Variants in DGAT1 observed in about 807,000 individuals in gnomAD.
DGAT1 encodes ACAT related gene product 1.
In DGAT1, 60 loss-of-function variants were observed where a neutral mutation model predicts 72.6. That is an observed-to-expected ratio of 0.83 (90% CI 0.67 to 1.02). The LOEUF is 1.02. DGAT1 is among the 50% of genes least tolerant of loss of function. DGAT1 has a pLI of 0.00. For missense variants in DGAT1, 592 were observed against 670.0 expected (o/e 0.88, Z 1.29); for synonymous variants, 290 against 267.5 (o/e 1.08, Z -0.82).
rs1817245231 is a variant in DGAT1 at position 144,316,860 on chromosome 8, A to G, written c.1304T>C (p.Met435Thr). ...CACGTGGGGGTCACTCACCTGAGCC[A>G]TCATGCCCGTGAACGCCCAGAGGCG... is the stretch of plus-strand genomic sequence containing the variant. ...MFRLWAFTGM[M>T]AQIPLAWFVG... The change falls in exon 16 of 17, where the codon ATG becomes ACG. Residue 435 changes from methionine (M) to threonine (T), a missense_variant. Coordinates refer to ENST00000528718, the MANE Select transcript of DGAT1 (RefSeq NM_012079.6). 3 of 1,610,270 alleles carry G rather than the reference A, an allele frequency of 1.9e-6. No individual in the cohort carries two copies. Among genetic ancestry groups the G allele is most frequent in the Non-Finnish European group, 2.5e-6 (3 of 1,178,978 alleles).
rs782802515 is a variant in DGAT1 at position 144,318,003 on chromosome 8, G to A, written c.766C>T (p.Leu256Phe). The A allele has an allele frequency of 1.3e-6, 2 of 1,518,262 alleles. No individual in the cohort carries two copies. The highest frequency in any genetic ancestry group is 1.3e-5 in the South Asian group (1 of 75,234). 94.0% of individuals were successfully genotyped at this position (1,518,262 alleles called of 1,614,324 possible). A position where few individuals can be genotyped will look rare whatever the true frequency, so the allele number is the denominator to read the frequency against. ...NLTYRDLYYFLFAPTLCYELN... is the reference protein window; with the variant it reads ...NLTYRDLYYFFFAPTLCYELN... ...TCGTAGCACAAGGTGGGGGCGAAGA[G>A]GAAGTAGTAGAGATCTGGAATGGGA... The change falls in exon 9 of 17, where the codon CTC becomes TTC. Residue 256 changes from leucine (L) to phenylalanine (F), a missense_variant. By Grantham distance (22) the Leu-to-Phe change is conservative. Coordinates refer to ENST00000528718, the MANE Select transcript of DGAT1 (RefSeq NM_012079.6).
Position 144,317,765 on chromosome 8 carries a change from C to T in DGAT1, c.894+19G>A, listed in dbSNP as rs1817295629. On this transcript the variant is annotated intron_variant, in intron 10 of 16. Coordinates refer to ENST00000528718, the MANE Select transcript of DGAT1 (RefSeq NM_012079.6). ...CCAGCCATGCCCAGCTACACCCAAC[C>T]CTGCCCTACCCCACTTACCTGCTGG... is the stretch of plus-strand genomic sequence containing the variant. The T allele has an allele frequency of 1.9e-6, 3 of 1,613,456 alleles. No homozygotes were observed. Among genetic ancestry groups the T allele is most frequent in the Non-Finnish European group, 2.5e-6 (3 of 1,179,794 alleles).
chr8:144,325,494 T>G (rs1817574678), intron 1 of DGAT1, among the ~76,000 whole-genome samples: 1 of 152,138 alleles, frequency 6.6e-6, no homozygotes, highest in Non-Finnish European at 1.5e-5. Flanking sequence ...AGCCCACTTC[T>G]GCCTTGATAA....
intron 1 of DGAT1, among the ~76,000 whole-genome samples, chr8:144,324,468 G>A (rs1817543917): frequency 6.6e-6 from 1 of 152,180 alleles, no homozygotes; most frequent in South Asian, 2.1e-4. Context: ...AGGTCTGAGG[G>A]ACAAGCACAC....
intron 1 of DGAT1, among the ~76,000 whole-genome samples, chr8:144,321,685 T>C (rs1554848178): frequency 6.6e-6 from 1 of 152,214 alleles, no homozygotes; most frequent in East Asian, 1.9e-4. Flanking sequence ...TGGACCTACA[T>C]GGAGCTTGGA....
rs1463839663 is a variant in DGAT1, at chr8:144,317,720, G to C, written c.895-8C>G. ...GATGGTGGGGACCATCCACTGCAAAGGAGGGCACCACGTCAGCTCCCAGCC... is the reference window on the plus strand; with the variant it reads ...GATGGTGGGGACCATCCACTGCAAACGAGGGCACCACGTCAGCTCCCAGCC... On this transcript the variant is annotated splice_polypyrimidine_tract_variant and splice_region_variant and intron_variant, in intron 10 of 16. Transcript: ENST00000528718. 1 of 1,613,808 alleles carries C rather than the reference G, an allele frequency of 6.2e-7. No homozygotes were observed. Among genetic ancestry groups the C allele is most frequent in the East Asian group, 2.2e-5 (1 of 44,882 alleles).
intron 1 of DGAT1, among the ~76,000 whole-genome samples, chr8:144,321,613 C>A (rs551317802): frequency 6.6e-6 from 1 of 152,354 alleles, no homozygotes; most frequent in East Asian, 1.9e-4. Context: ...AGAGCCTGCA[C>A]CTCCAGGCAG....
In DGAT1 at chr8:144,316,243, G is replaced by A. The variant is rs1281791853; in HGVS notation, c.*311C>T. ...AGCTCTGGCACTCGCCCTTGTGGGT[G>A]TGGCCATACCCCCCACCAGGCCCCA... On this transcript the variant is annotated 3_prime_UTR_variant, in exon 17 of 17. Coordinates refer to ENST00000528718, the MANE Select transcript of DGAT1 (RefSeq NM_012079.6). The A allele has an allele frequency of 1.4e-5, 5 of 348,018 alleles. No individual in the cohort carries two copies. Among genetic ancestry groups the A allele is most frequent in the Non-Finnish European group, 2.7e-5 (5 of 188,210 alleles). The allele number at this position is 348,018 out of a possible 1,614,324, so 21.6% of individuals were successfully genotyped here. A position where few individuals can be genotyped will look rare whatever the true frequency, so the allele number is the denominator to read the frequency against.
In DGAT1 at chr8:144,316,491, G is replaced by T. The variant is rs1817226323; in HGVS notation, c.*63C>A. 3 of 1,512,690 alleles carry T rather than the reference G, an allele frequency of 2.0e-6. No individual in the cohort carries two copies. Among genetic ancestry groups the T allele is most frequent in the Non-Finnish European group, 2.7e-6 (3 of 1,127,338 alleles). The allele number at this position is 1,512,690 out of a possible 1,614,324, so 93.7% of individuals were successfully genotyped here. A position where few individuals can be genotyped will look rare whatever the true frequency, so the allele number is the denominator to read the frequency against. On this transcript the variant is annotated 3_prime_UTR_variant, in exon 17 of 17. Coordinates refer to ENST00000528718, the MANE Select transcript of DGAT1 (RefSeq NM_012079.6). ...CATCCCCAGCACTCGAGGCCTAGGA[G>T]GAGAGGTGGGCTCTGGCAGCGGGTG...
At chr8:144,326,364 C>A in intron 1 of DGAT1, 73 bp downstream of exon 1, 2 of 1,301,214 alleles carry the variant, frequency 1.5e-6, no homozygotes, top group South Asian at 1.8e-5. Context: ...GGACTCGGAG[C>A]TCGCGCTTCG....
In DGAT1 at chr8:144,315,563, C is replaced by T; in HGVS notation, c.*991G>A. Reference sequence around the variant, plus strand: ...CCAGCAAGGTAAGGCAGCAGCAGGGCCCTGGGGTTACCCCTGACCTCCCGC... The same window carrying T: ...CCAGCAAGGTAAGGCAGCAGCAGGGTCCTGGGGTTACCCCTGACCTCCCGC... On this transcript the variant is annotated 3_prime_UTR_variant, in exon 17 of 17. Transcript: ENST00000528718. The T allele has an allele frequency of 1.0e-6, 1 of 985,662 alleles. No homozygotes were observed. Among genetic ancestry groups the T allele is most frequent in the Non-Finnish European group, 1.2e-6 (1 of 830,086 alleles). The allele number at this position is 985,662 out of a possible 1,614,324, so 61.1% of individuals were successfully genotyped here.
rs1817295532 is a variant in DGAT1 at position 144,317,763 on chromosome 8, A to C, written c.894+21T>G. On this transcript the variant is annotated intron_variant, in intron 10 of 16. Transcript: ENST00000528718. ...TCCCAGCCATGCCCAGCTACACCCA[A>C]CCCTGCCCTACCCCACTTACCTGCT... The C allele has an allele frequency of 4.3e-6, 7 of 1,613,110 alleles. No homozygotes were observed. The East Asian group carries it at 1.6e-4, about 36-fold the overall frequency.
rs567999073 is a variant in DGAT1 at position 144,314,717 on chromosome 8, A to G, written c.*1837T>C. On this transcript the variant is annotated 3_prime_UTR_variant, in exon 17 of 17. Transcript: ENST00000528718. ...AGAGATCTATAAACAGACAGGCTCT[A>G]TGCTATGGCCTCCATGTGTTTCCTC... The G allele has an allele frequency of 1.7e-5, 4 of 238,306 alleles. No individual in the cohort carries two copies. Among genetic ancestry groups the G allele is most frequent in the Non-Finnish European group, 3.3e-5 (4 of 121,856 alleles). The allele number at this position is 238,306 out of a possible 1,614,324, so 14.8% of individuals were successfully genotyped here.
Position 144,316,010 on chromosome 8 carries a change from A to C in DGAT1, c.*544T>G. 1 of 869,818 alleles carries C rather than the reference A, an allele frequency of 1.1e-6. No homozygotes were observed. Among genetic ancestry groups the C allele is most frequent in the Non-Finnish European group, 1.4e-6 (1 of 724,204 alleles). The allele number at this position is 869,818 out of a possible 1,614,324, so 53.9% of individuals were successfully genotyped here. ...AGCTGAGCACGGTGGGTGCAAGTTG[A>C]CCATCCTGCACTGAGGGCCAGAGTG... is the stretch of plus-strand genomic sequence containing the variant. On this transcript the variant is annotated 3_prime_UTR_variant, in exon 17 of 17. Coordinates refer to ENST00000528718, the MANE Select transcript of DGAT1 (RefSeq NM_012079.6).
Position 144,314,958 on chromosome 8 carries a change from C to A in DGAT1, c.*1596G>T, listed in dbSNP as rs1554846613. ...CTGGGGGTCTCTGGTTGTCACAGGA[C>A]CACCAGGAACCCCCTTCCCAAGGTG... is the stretch of plus-strand genomic sequence containing the variant. On this transcript the variant is annotated 3_prime_UTR_variant, in exon 17 of 17. Transcript: ENST00000528718. 1 of 985,752 alleles carries A rather than the reference C, an allele frequency of 1.0e-6. No homozygotes were observed. The highest frequency in any genetic ancestry group is 1.1e-4 in the East Asian group (1 of 8,826). 61.1% of individuals were successfully genotyped at this position (985,752 alleles called of 1,614,324 possible).
intron 15 of DGAT1, 42 bp downstream of exon 15, chr8:144,316,980 C>A: frequency 6.2e-7 from 1 of 1,610,924 alleles, no homozygotes; most frequent in East Asian, 2.2e-5. Context: ...GTGGGCATAC[C>A]CCTGCCCAGG....
chr8:144,317,907 A>C lies in DGAT1; in HGVS notation c.855+7T>G. 1.3e-6 allele frequency: 2 copies of C among 1,528,294 alleles called. No individual in the cohort carries two copies. Among genetic ancestry groups the C allele is most frequent in the South Asian group, 1.3e-5 (1 of 77,148 alleles). 94.7% of individuals were successfully genotyped at this position (1,528,294 alleles called of 1,614,324 possible). A position where few individuals can be genotyped will look rare whatever the true frequency, so the allele number is the denominator to read the frequency against. On this transcript the variant is annotated splice_region_variant and intron_variant, in intron 9 of 16. Transcript: ENST00000528718. ...CTCCAGTGGCTGCCCCCAGCCCCCA[A>C]CCTCACCATCTCAAGGATCCGTCGC...
At chr8:144,324,734 G>A (rs782345875) in intron 1 of DGAT1, among the ~76,000 whole-genome samples, 1 of 152,070 alleles carries the variant, frequency 6.6e-6, no homozygotes, top group Non-Finnish European at 1.5e-5. Context: ...GTGGCGGCTT[G>A]GCCCAAAGCT....
rs1456466397 is a variant in DGAT1 at position 144,315,609 on chromosome 8, T to C, written c.*945A>G. 1 of 985,650 alleles carries C rather than the reference T, an allele frequency of 1.0e-6. No individual in the cohort carries two copies. 61.1% of individuals were successfully genotyped at this position (985,650 alleles called of 1,614,324 possible). ...CCCGCTACCATCAAGGGGGGCCCCATCTATCCAGCTTGGTGGATTGCAGGG... is the reference window on the plus strand; with the variant it reads ...CCCGCTACCATCAAGGGGGGCCCCACCTATCCAGCTTGGTGGATTGCAGGG... On this transcript the variant is annotated 3_prime_UTR_variant, in exon 17 of 17. Transcript: ENST00000528718.
Sources: allele counts gnomAD v4.1 joint callset (sites outside exome capture counted in the v4.1 genomes callset), GRCh38; gene constraint gnomAD v4.1.1; transcripts MANE v1.5; gene names NCBI Gene and HGNC (gene_info 2026-07-23, HGNC 2026-07-21).